Variants in ZNF90 observed in about 807,000 individuals in gnomAD.
ZNF90 encodes the protein zinc finger protein 90, also known as zinc finger protein HTF9.
ZNF90 carries 11 observed loss-of-function variants against 12.0 expected under a neutral mutation model. The ratio of observed to expected loss-of-function variants is 0.92; its 90% confidence interval spans 0.58 to 1.52. ZNF90 has a LOEUF of 1.52. ZNF90 is among the 40% of genes most tolerant of loss of function. The pLI is 0.00. For synonymous variants in ZNF90, 232 were observed against 240.1 expected, an observed-to-expected ratio of 0.97 and a Z score of 0.31; for missense variants, 765 against 711.5, an observed-to-expected ratio of 1.08 and a Z score of -0.86.
chr19:20,106,333 T>A (rs1426897171), intron 3 of ZNF90, among the ~76,000 whole-genome samples: 2 of 152,164 alleles, frequency 1.3e-5, no homozygotes, highest in Non-Finnish European at 2.9e-5. Context: ...TTCAATGGAT[T>A]TTTTATTTAT....
Position 20,118,877 on chromosome 19 carries a change from C to A in ZNF90, c.1323C>A (p.Ser441Arg). The A allele has an allele frequency of 6.3e-7, 1 of 1,595,236 alleles. No individual in the cohort carries two copies. The highest frequency in any genetic ancestry group is 8.5e-7 in the Non-Finnish European group (1 of 1,172,520). ...DKVFKRSSAL[S>R]THKIIHSGEK... ...TCTTCAAACGCTCCTCAGCCCTTAG[C>A]ACACATAAGATAATTCATAGTGGAG... is the stretch of plus-strand genomic sequence containing the variant. Residue 441 changes from serine to arginine, a missense_variant, in exon 4 of 4, where the codon AGC becomes AGA. Transcript: ENST00000418063.
At chr19:20,111,943 C>A (rs1457973928) in intron 3 of ZNF90, among the ~76,000 whole-genome samples, 2 of 151,776 alleles carry the variant, frequency 1.3e-5, no homozygotes, top group African/African-American at 2.4e-5. Context: ...ACTGCAACAT[C>A]TGCCTCCCAG....
chr19:20,093,075 G>T (rs1420151116), intron 1 of ZNF90, among the ~76,000 whole-genome samples: 2 of 152,220 alleles, frequency 1.3e-5, no homozygotes, highest in South Asian at 2.1e-4. Context: ...GACGAGGGGT[G>T]CAGGGGAATA....
Position 20,119,655 on chromosome 19 carries a change from T to G in ZNF90, c.*295T>G, listed in dbSNP as rs1388780576. 3.9e-6 allele frequency: 1 copy of G among 254,910 alleles called. No individual in the cohort carries two copies. 15.8% of individuals were successfully genotyped at this position (254,910 alleles called of 1,614,324 possible). A position where few individuals can be genotyped will look rare whatever the true frequency, so the allele number is the denominator to read the frequency against. ...TTTTTTTTAAGAAGGAGTTTCATGC[T>G]TCTCACCCAGCCTGGAGTGCAATGG... On this transcript the variant is annotated 3_prime_UTR_variant, in exon 4 of 4. Coordinates refer to ENST00000418063, the MANE Select transcript of ZNF90 (RefSeq NM_007138.2).
intron 1 of ZNF90, chr19:20,086,909 A>C (rs1271410184): frequency 1.3e-5 from 2 of 152,220 alleles, no homozygotes; most frequent in Non-Finnish European, 2.9e-5. Flanking sequence ...ACAAATAAAG[A>C]CAGGTGATGT....
chr19:20,079,363 TGAAAG>T (rs1300127390), intron 1 of ZNF90, among the ~76,000 whole-genome samples: 1 of 151,034 alleles, frequency 6.6e-6, no homozygotes, highest in African/African-American at 2.4e-5. Flanking sequence ...AAGATTAAGA[TGAAAG>T]GAAACTGGAT....
intron 1 of ZNF90, among the ~76,000 whole-genome samples, chr19:20,085,058 ATTTAATTT>A (rs2088847961): frequency 6.6e-6 from 1 of 151,962 alleles, no homozygotes; most frequent in African/African-American, 2.4e-5. Context: ...TAAGTTTTTC[ATTTAATTT>A]TTTAATTTAT....
At chr19:20,103,844 C>G (rs1467610369) in intron 1 of ZNF90, among the ~76,000 whole-genome samples, 1 of 151,714 alleles carries the variant, frequency 6.6e-6, no homozygotes, top group African/African-American at 2.4e-5. Context: ...ACCTGCATAA[C>G]AAGGTCTTCA....
chr19:20,111,049 T>G (rs542663316), intron 3 of ZNF90, among the ~76,000 whole-genome samples: 8 of 152,376 alleles, frequency 5.3e-5, no homozygotes, highest in Admixed American at 2.6e-4. Flanking sequence ...TTATTTCATT[T>G]ATTGCTCATG....
chr19:20,117,912 G>A lies in ZNF90; in HGVS notation c.358G>A (p.Val120Met), dbSNP rs1555705870. ...AGAGTTAAAAAAAGGTTGTGAAAGT[G>A]TGGATGAGGGTAAAGTACACAAAAG... is the stretch of plus-strand genomic sequence containing the variant. ...NLELKKGCES[V>M]DEGKVHKRGY... Residue 120 changes from valine to methionine, a missense_variant, in exon 4 of 4, where the codon GTG (valine) becomes ATG (methionine). Physicochemically the swap from Val to Met is conservative, Grantham distance 21 (BLOSUM62 1). Transcript: ENST00000418063. 5 of 1,612,968 alleles carry A rather than the reference G, an allele frequency of 3.1e-6. No individual in the cohort carries two copies. The South Asian group carries it at 5.5e-5, about 18-fold the overall frequency.
intron 1 of ZNF90, chr19:20,079,981 G>T (rs1266333470): frequency 2.9e-6 from 1 of 339,782 alleles, no homozygotes; most frequent in African/African-American, 2.2e-5. Context: ...TATTGCCCAG[G>T]CTGGAGTGCA....
chr19:20,117,013 TTGTGTGTGTG>T (rs371655051), intron 3 of ZNF90, among the ~76,000 whole-genome samples: 8,651 of 128,592 alleles, frequency 0.067, 410 homozygotes, highest in Non-Finnish European at 0.086. Flanking sequence ...CAACTTACAT[TTGTGTGTGTG>T]TGTGTGTGTG....
At chr19:20,108,264 A>G (rs2089056540) in intron 3 of ZNF90, among the ~76,000 whole-genome samples, 1 of 152,190 alleles carries the variant, frequency 6.6e-6, no homozygotes, top group Admixed American at 6.5e-5. Context: ...CCTGTATATG[A>G]TGAATACATA....
chr19:20,115,563 A>G (rs183103063), intron 3 of ZNF90, among the ~76,000 whole-genome samples: 37 of 151,208 alleles, frequency 2.4e-4, no homozygotes, highest in Non-Finnish European at 4.6e-4. Flanking sequence ...TAAAAAAATA[A>G]CTTAAGTTAT....
chr19:20,092,338 T>A (rs1322409598), intron 1 of ZNF90, among the ~76,000 whole-genome samples: 1 of 152,120 alleles, frequency 6.6e-6, no homozygotes, highest in Non-Finnish European at 1.5e-5. Context: ...CACGGAGACA[T>A]GATGGCCAGC....
intron 3 of ZNF90, among the ~76,000 whole-genome samples, chr19:20,110,230 C>T (rs1555704934): frequency 6.6e-6 from 1 of 152,088 alleles, no homozygotes; most frequent in African/African-American, 2.4e-5. Context: ...AATACATATA[C>T]AATAAACATG....
At chr19:20,106,054 T>C (rs1429860016) in intron 3 of ZNF90, among the ~76,000 whole-genome samples, 1 of 148,354 alleles carries the variant, frequency 6.7e-6, no homozygotes, top group Non-Finnish European at 1.5e-5. Context: ...CTTTTTTTTT[T>C]TTTTTTTTTT....
At chr19:20,114,824 T>G (rs2089122845) in intron 3 of ZNF90, among the ~76,000 whole-genome samples, 1 of 142,188 alleles carries the variant, frequency 7.0e-6, no homozygotes, top group African/African-American at 3.1e-5. Flanking sequence ...CCCTGTTCCC[T>G]TACTAATATT....
rs782755731 is a variant in ZNF90 at position 20,119,200 on chromosome 19, C to T, written c.1646C>T (p.Ser549Phe). 1 of 1,613,652 alleles carries T rather than the reference C, an allele frequency of 6.2e-7. No homozygotes were observed. The highest frequency in any genetic ancestry group is 1.3e-5 in the African/African-American group (1 of 74,924). The change falls in exon 4 of 4, where the codon TCC (serine) becomes TTC (phenylalanine). Residue 549 changes from serine to phenylalanine, a missense_variant. Physicochemically the swap from Ser to Phe is radical, Grantham distance 155 (BLOSUM62 -2). Transcript: ENST00000418063. ...GAATGTGGCAAAGCCTTTAAGCGCT[C>T]CTCACAGCTTACTAGTCATAAGATA... ...CEECGKAFKR[S>F]SQLTSHKISH...
Sources: gnomAD v4.1 joint callset for allele counts (sites outside exome capture counted in the v4.1 genomes callset) on GRCh38, gnomAD v4.1.1 for gene constraint, MANE v1.5 for transcripts, NCBI Gene and HGNC (gene_info 2026-07-23, HGNC 2026-07-21) for gene names.